The following GOLT1A variants were observed in gnomAD, a reference collection of about 807,000 sequenced individuals.
The protein encoded by GOLT1A is vesicle transport protein GOT1A.
Under a neutral mutation model 16.1 loss-of-function variants are expected in GOLT1A, and 10 were observed. The observed-to-expected ratio is 0.62, with a 90% CI of 0.38 to 1.05. The LOEUF (loss-of-function observed/expected upper bound fraction) is 1.05. Among genes scored for constraint, GOLT1A ranks in the 50% least tolerant of loss-of-function variants. GOLT1A has a pLI of 0.01. For missense variants in GOLT1A, 137 were observed against 165.7 expected, an observed-to-expected ratio of 0.83 and a Z score of 0.95; for synonymous variants, 60 against 67.9, an observed-to-expected ratio of 0.88 and a Z score of 0.57.
chr1:204,199,395 G>C (rs1310973333), intron 3 of GOLT1A, 137 bp from the exon 4 acceptor site: 2 of 693,474 alleles, frequency 2.9e-6, no homozygotes, highest in South Asian at 3.3e-5. Context: ...GCACTCCTGT[G>C]TTCCGAGAGA....
At chr1:204,201,527 A>C in intron 3 of GOLT1A, 106 bp downstream of exon 3, 1 of 1,184,454 alleles carries the variant, frequency 8.4e-7, no homozygotes, top group Non-Finnish European at 1.2e-6. Context: ...CATGGTTCTC[A>C]TCTCTTGCAG....
In GOLT1A at chr1:204,199,907, G is replaced by A. The variant is rs542013177; in HGVS notation, c.297-649C>T. Among the ~76,000 whole-genome samples, 61 of 152,294 alleles carry A rather than the reference G, an allele frequency of 4.0e-4. 1 individual carries two copies. Among genetic ancestry groups the A allele is most frequent in the Admixed American group, 2.0e-3 (30 of 15,302 alleles). ...ATGGGAAGGGATCCCGGTGTGTGGC[G>A]GATGGGAAGGGAGATTTGAAATATG... is the stretch of plus-strand genomic sequence containing the variant. On this transcript the variant is annotated intron_variant, in intron 3 of 4. Transcript: ENST00000308302.
At chr1:204,208,451 T>C (rs1659082806) in intron 1 of GOLT1A, among the ~76,000 whole-genome samples, 1 of 111,820 alleles carries the variant, frequency 8.9e-6, no homozygotes, top group African/African-American at 3.1e-5. Context: ...TGTGTGTATA[T>C]ATGTATACTT....
At chr1:204,202,626 G>A (rs1209152562) in intron 2 of GOLT1A, among the ~76,000 whole-genome samples, 1 of 152,028 alleles carries the variant, frequency 6.6e-6, no homozygotes, top group African/African-American at 2.4e-5. Flanking sequence ...AGAACCCCCA[G>A]GGTCTCGCCC....
intron 1 of GOLT1A, among the ~76,000 whole-genome samples, chr1:204,204,508 A>G (rs1220142226): frequency 1.3e-5 from 2 of 152,188 alleles, no homozygotes; most frequent in Non-Finnish European, 2.9e-5. Context: ...ATAATAGTCC[A>G]TTGCTATCTG....
intron 1 of GOLT1A, among the ~76,000 whole-genome samples, chr1:204,203,818 T>C (rs1034672337): frequency 2.0e-5 from 3 of 149,910 alleles, no homozygotes; most frequent in African/African-American, 7.3e-5. Flanking sequence ...TGAGCCCCCA[T>C]TCCCAAGGTT....
chr1:204,199,012 T>C, intron 4 of GOLT1A, 183 bp downstream of exon 4: 1 of 601,758 alleles, frequency 1.7e-6, no homozygotes, highest in Non-Finnish European at 3.0e-6. Context: ...TCATGGGCTC[T>C]TGTCAAATGG....
At chr1:204,208,575 G>A (rs1334529727) in intron 1 of GOLT1A, among the ~76,000 whole-genome samples, 1 of 148,130 alleles carries the variant, frequency 6.8e-6, no homozygotes, top group East Asian at 2.0e-4. Context: ...TGGAATTGGA[G>A]ATCATTATTC....
At chr1:204,201,876 C>A in intron 2 of GOLT1A, 65 bp from the exon 3 acceptor site, 1 of 1,489,394 alleles carries the variant, frequency 6.7e-7, no homozygotes, top group South Asian at 1.2e-5. Flanking sequence ...GGGACTTAGG[C>A]CTGGAGCCAG....
chr1:204,199,096 G>A lies in GOLT1A; in HGVS notation c.360+99C>T, dbSNP rs1482047145. 26 of 1,040,592 alleles carry A rather than the reference G, an allele frequency of 2.5e-5. No individual in the cohort carries two copies. The Admixed American group carries it at 4.5e-4, about 18-fold the overall frequency. The allele number at this position is 1,040,592 out of a possible 1,614,324, so 64.5% of individuals were successfully genotyped here. ...GGGTCTGAGGGGAGACAGGGGAGAG[G>A]CCACTGCCCCTGGGGCAGCAGTTTT... On this transcript the variant is annotated intron_variant, in intron 4 of 4. Coordinates refer to ENST00000308302, the MANE Select transcript of GOLT1A (RefSeq NM_198447.2).
rs772482406 is a variant in GOLT1A, at chr1:204,198,423, C to A, written c.*35G>T. ...CCATTCTCCCTCTAGCCCCCTCAAC[C>A]AATGATCCAAGTTCAAGGAGCTCAT... On this transcript the variant is annotated 3_prime_UTR_variant, in exon 5 of 5. Transcript: ENST00000308302. 6.2e-7 allele frequency: 1 copy of A among 1,607,620 alleles called. No individual in the cohort carries two copies. Among genetic ancestry groups the A allele is most frequent in the Non-Finnish European group, 8.5e-7 (1 of 1,174,468 alleles).
Position 204,201,413 on chromosome 1 carries a change from C to T in GOLT1A, c.296+220G>A, listed in dbSNP as rs1488821703. Among the ~76,000 whole-genome samples the T allele has an allele frequency of 3.3e-5, 5 of 152,174 alleles. No individual in the cohort carries two copies. In the East Asian group the frequency reaches 9.6e-4, roughly 29 times the overall value. Reference sequence around the variant, plus strand: ...GCTCACAGGCACAGTGCTGGGGGCACAGTGCTGGGAACACAGTCGGCACTC... The same window carrying T: ...GCTCACAGGCACAGTGCTGGGGGCATAGTGCTGGGAACACAGTCGGCACTC... On this transcript the variant is annotated intron_variant, in intron 3 of 4. Coordinates refer to ENST00000308302, the MANE Select transcript of GOLT1A (RefSeq NM_198447.2).
In GOLT1A at chr1:204,208,419, CA is replaced by C. The variant is rs56124238; in HGVS notation, c.26-5433del. Among the ~76,000 whole-genome samples, 552 of 73,698 alleles carry C rather than the reference CA, an allele frequency of 7.5e-3. 7 individuals carry two copies. The highest frequency in any genetic ancestry group is 0.012 in the Non-Finnish European group (350 of 29,880). 48.3% of individuals were successfully genotyped at this position (73,698 alleles called of 152,430 possible). Reference sequence around the variant, plus strand: ...GTATACATATATGTATATATGTATACATATGTGTATATGTATACATATGTGT... The same window carrying C: ...GTATACATATATGTATATATGTATACTATGTGTATATGTATACATATGTGT... On this transcript the variant is annotated intron_variant, in intron 1 of 4. Coordinates refer to ENST00000308302, the MANE Select transcript of GOLT1A (RefSeq NM_198447.2).
At chr1:204,210,097 C>T (rs1244515845) in intron 1 of GOLT1A, among the ~76,000 whole-genome samples, 1 of 152,086 alleles carries the variant, frequency 6.6e-6, no homozygotes, top group Non-Finnish European at 1.5e-5. Flanking sequence ...ATAAAAAGTG[C>T]CTTTAACCAA....
intron 3 of GOLT1A, 35 bp from the exon 4 acceptor site, chr1:204,199,293 T>C: frequency 4.5e-6 from 7 of 1,552,840 alleles, no homozygotes; most frequent in Non-Finnish European, 6.2e-6. Context: ...GAGTCAGTGA[T>C]GGCCCAGGAA....
chr1:204,204,578 T>C (rs1238925271), intron 1 of GOLT1A, among the ~76,000 whole-genome samples: 1 of 152,258 alleles, frequency 6.6e-6, no homozygotes, highest in Non-Finnish European at 1.5e-5. Flanking sequence ...CTTCCATCCA[T>C]CTCTTACCTA....
At chr1:204,203,596 G>A (rs1197015153) in intron 1 of GOLT1A, among the ~76,000 whole-genome samples, 1 of 152,220 alleles carries the variant, frequency 6.6e-6, no homozygotes, top group Non-Finnish European at 1.5e-5. Flanking sequence ...GAAGTCATCA[G>A]TTAGGAATGC....
chr1:204,200,299 G>GTGTGTGTATATATATATATATATATA lies in GOLT1A; in HGVS notation c.297-1042_297-1041insTATATATATATATATATATACACACA. Among the ~76,000 whole-genome samples the GTGTGTGTATATATATATATATATATA allele has an allele frequency of 1.1e-3, 91 of 82,620 alleles. 2 individuals carry two copies. Among genetic ancestry groups the GTGTGTGTATATATATATATATATATA allele is most frequent in the African/African-American group, 4.9e-3 (89 of 18,008 alleles). 54.2% of individuals were successfully genotyped at this position (82,620 alleles called of 152,430 possible). ...GACTGTTTGAAAATGACATATATGT[G>GTGTGTGTATATATATATATATATATA]TATATATATATATATATATATGTTT... On this transcript the variant is annotated intron_variant, in intron 3 of 4. Coordinates refer to ENST00000308302, the MANE Select transcript of GOLT1A (RefSeq NM_198447.2).
Position 204,199,256 on chromosome 1 carries a change from C to G in GOLT1A, c.299G>C (p.Gly100Ala). Residue 100 changes from glycine (G) to alanine (A), a missense_variant and splice_region_variant, in exon 4 of 5, where the codon GGC (glycine) becomes GCC (alanine). Transcript: ENST00000308302. ...GAAGCCGAAGGCGACAGGGAAAAAG[C>G]CCCTAGGAGCAGAGGGGAGAAGGGA... The part of the protein sequence containing the change: ...ETYGFFSLFK[G>A]FFPVAFGFLG... 3 of 1,602,210 alleles carry G rather than the reference C, an allele frequency of 1.9e-6. No homozygotes were observed. The highest frequency in any genetic ancestry group is 2.6e-6 in the Non-Finnish European group (3 of 1,175,230).
Sources: gnomAD v4.1 joint callset for allele counts (sites outside exome capture counted in the v4.1 genomes callset) on GRCh38, gnomAD v4.1.1 for gene constraint, MANE v1.5 for transcripts, NCBI Gene and HGNC (gene_info 2026-07-23, HGNC 2026-07-21) for gene names.